Variants in MYBL1 observed in about 807,000 individuals in gnomAD.
The protein encoded by MYBL1 is MYB proto-oncogene like 1, also known as myb-related protein A.
A neutral mutation model predicts 96.3 loss-of-function variants in MYBL1; 17 were observed. The ratio of observed to expected loss-of-function variants is 0.18; its 90% CI spans 0.12 to 0.26. The LOEUF is 0.26. MYBL1 is among the 10% of genes least tolerant of loss of function. The pLI, the probability that MYBL1 is intolerant of heterozygous loss-of-function variation, is 1.00. For synonymous variants in MYBL1, 282 were observed against 292.7 expected, an observed-to-expected ratio of 0.96 and a Z score of 0.37; for missense variants, 701 against 882.9, an observed-to-expected ratio of 0.79 and a Z score of 2.61.
In MYBL1 at chr8:66,594,433, GAAT is replaced by G. The variant is rs1229209648; in HGVS notation, c.687+1147_687+1149del. Among the ~76,000 whole-genome samples, 3 of 151,736 alleles carry G rather than the reference GAAT, an allele frequency of 2.0e-5. No homozygotes were observed. In the South Asian group the frequency reaches 6.2e-4, roughly 32 times the overall value. The stretch of plus-strand genomic sequence containing the variant: ...ATTATTTTATTAGTTTAAATTAATT[GAAT>G]AATGAATATATCTAAATTAAAAGGG... On this transcript the variant is annotated intron_variant, in intron 6 of 15. Transcript: ENST00000522677.
rs1020830471 is a variant in MYBL1, at chr8:66,572,678, C to G, written c.1614-82G>C. 21 of 614,102 alleles carry G rather than the reference C, an allele frequency of 3.4e-5. No homozygotes were observed. The South Asian group carries it at 6.2e-4, about 18-fold the overall frequency. The allele number at this position is 614,102 out of a possible 1,614,324, so 38.0% of individuals were successfully genotyped here. A position where few individuals can be genotyped will look rare whatever the true frequency, so the allele number is the denominator to read the frequency against. On this transcript the variant is annotated intron_variant, in intron 11 of 15. Coordinates refer to ENST00000522677, the MANE Select transcript of MYBL1 (RefSeq NM_001080416.4). Reference sequence around the variant, plus strand: ...ATGAAAGCAAAGCAATTTAAGCACACGCTAAATTTTCTTACACATATATAT... The same window carrying G: ...ATGAAAGCAAAGCAATTTAAGCACAGGCTAAATTTTCTTACACATATATAT...
At position 66,576,165 on chromosome 8, in the gene MYBL1, C is replaced by T; in HGVS notation, c.1312G>A (p.Ala438Thr). The change falls in exon 10 of 16, where the codon GCC becomes ACC. Residue 438 changes from alanine (A) to threonine (T), a missense_variant. Transcript: ENST00000522677. ...EAVPLTSPNI[A>T]KFSTPPAILR... Reference sequence around the variant, plus strand: ...ATGGCTGGTGGAGTGCTAAACTTGGCTATATTTGGGGATGTTAAAGGAACA... The same window carrying T: ...ATGGCTGGTGGAGTGCTAAACTTGGTTATATTTGGGGATGTTAAAGGAACA... 6.8e-6 allele frequency: 11 copies of T among 1,613,922 alleles called. No homozygotes were observed. The highest frequency in any genetic ancestry group is 9.3e-6 in the Non-Finnish European group (11 of 1,179,870).
At chr8:66,602,733 A>ATTTT (rs143426704) in intron 1 of MYBL1, among the ~76,000 whole-genome samples, 6 of 28,158 alleles carry the variant, frequency 2.1e-4, no homozygotes, top group Admixed American at 7.5e-4. Flanking sequence ...ATATATATAT[A>ATTTT]TTTTTTTTTT....
intron 10 of MYBL1, among the ~76,000 whole-genome samples, chr8:66,575,232 A>G (rs1246539536): frequency 1.3e-5 from 2 of 151,534 alleles, no homozygotes; most frequent in Non-Finnish European, 2.9e-5. Context: ...GTAAGCAATT[A>G]TCTAAGTTTC....
In MYBL1 at chr8:66,613,062, C is replaced by T. The variant is rs1306092072; in HGVS notation, c.-224G>A. 1.6e-5 allele frequency: 7 copies of T among 430,236 alleles called. No homozygotes were observed. The highest frequency in any genetic ancestry group is 4.4e-5 in the Admixed American group (1 of 22,744). 26.7% of individuals were successfully genotyped at this position (430,236 alleles called of 1,614,324 possible). ...CCCGCAGCGCCGCTCTTAGCCCCGG[C>T]CCGGCCCGGCCAGGGATACCCCCAA... is the stretch of plus-strand genomic sequence containing the variant. On this transcript the variant is annotated 5_prime_UTR_variant, in exon 1 of 16. Coordinates refer to ENST00000522677, the MANE Select transcript of MYBL1 (RefSeq NM_001080416.4).
chr8:66,578,616 C>T (rs866356226), intron 9 of MYBL1, among the ~76,000 whole-genome samples: 1 of 152,086 alleles, frequency 6.6e-6, no homozygotes, highest in Non-Finnish European at 1.5e-5. Context: ...AATAGGAACA[C>T]TTTTACACTG....
At chr8:66,571,973 G>C (rs942236312) in intron 12 of MYBL1, among the ~76,000 whole-genome samples, 1 of 151,752 alleles carries the variant, frequency 6.6e-6, no homozygotes, top group Non-Finnish European at 1.5e-5. Flanking sequence ...GCCAAGCAAG[G>C]GTTTATTTAC....
At chr8:66,572,436 T>A (rs1313754376) in intron 12 of MYBL1, 46 bp downstream of exon 12, 2 of 926,534 alleles carry the variant, frequency 2.2e-6, no homozygotes, top group Non-Finnish European at 3.2e-6. Context: ...AATTTGTGTT[T>A]TATTAAAATT....
At chr8:66,586,958 G>A (rs943374102) in intron 8 of MYBL1, among the ~76,000 whole-genome samples, 1 of 152,072 alleles carries the variant, frequency 6.6e-6, no homozygotes, top group Admixed American at 6.6e-5. Flanking sequence ...AAACACTGTA[G>A]GTTCTCACTT....
chr8:66,608,767 A>G (rs1051258781), intron 1 of MYBL1, among the ~76,000 whole-genome samples: 2 of 152,134 alleles, frequency 1.3e-5, no homozygotes, highest in Non-Finnish European at 2.9e-5. Context: ...ATTTAATAAA[A>G]TTGGCTTCCT....
At chr8:66,577,509 T>G (rs887414502) in intron 9 of MYBL1, among the ~76,000 whole-genome samples, 1 of 152,096 alleles carries the variant, frequency 6.6e-6, no homozygotes, top group African/African-American at 2.4e-5. Flanking sequence ...TACTTAGGAA[T>G]CCAGCTTACA....
chr8:66,608,451 GT>G (rs1225365210), intron 1 of MYBL1, among the ~76,000 whole-genome samples: 1 of 151,980 alleles, frequency 6.6e-6, no homozygotes, highest in Non-Finnish European at 1.5e-5. Context: ...ATATATATGA[GT>G]ATTGAAAAGA....
chr8:66,607,669 T>G (rs1810373326), intron 1 of MYBL1, among the ~76,000 whole-genome samples: 1 of 150,276 alleles, frequency 6.7e-6, no homozygotes, highest in Non-Finnish European at 1.5e-5. Flanking sequence ...GTAAAAGCAT[T>G]CTTATTTGTT....
chr8:66,571,086 G>A (rs1323718422), intron 12 of MYBL1, among the ~76,000 whole-genome samples: 1 of 152,116 alleles, frequency 6.6e-6, no homozygotes, highest in East Asian at 1.9e-4. Context: ...TAACCAAAAA[G>A]TGACTAAAAA....
At chr8:66,575,936 A>T in intron 10 of MYBL1, 71 bp downstream of exon 10, 1 of 1,461,752 alleles carries the variant, frequency 6.8e-7, no homozygotes, top group Non-Finnish European at 9.3e-7. Context: ...AACTGCTAGT[A>T]AGGATGTTAA....
At chr8:66,612,760 G>T in intron 1 of MYBL1, 59 bp downstream of exon 1, 2 of 1,342,082 alleles carry the variant, frequency 1.5e-6, no homozygotes, top group Non-Finnish European at 1.9e-6. Flanking sequence ...AGCGGGATAG[G>T]AAAGAGAATC....
chr8:66,602,280 A>T, intron 2 of MYBL1, 138 bp downstream of exon 2: 1 of 423,888 alleles, frequency 2.4e-6, no homozygotes, highest in Non-Finnish European at 4.2e-6. Context: ...TGAACTCCTA[A>T]CCTCAAGTGA....
In MYBL1 at chr8:66,598,969, C is replaced by G. The variant is rs113916389; in HGVS notation, c.291+81G>C. 2.4e-3 allele frequency: 2,049 copies of G among 855,862 alleles called. 29 individuals carry two copies. In the African/African-American group the frequency reaches 0.027, roughly 11 times the overall value. 53.0% of individuals were successfully genotyped at this position (855,862 alleles called of 1,614,324 possible). On this transcript the variant is annotated intron_variant, in intron 4 of 15. Transcript: ENST00000522677. ...AAAATCAAAGTGACTTAAACATGTA[C>G]TTCATATGTCAAAACAACACATTAA...
intron 1 of MYBL1, among the ~76,000 whole-genome samples, chr8:66,611,608 C>T (rs935084830): frequency 5.3e-5 from 8 of 152,166 alleles, no homozygotes; most frequent in Admixed American, 2.0e-4. Context: ...GTCAATAGTG[C>T]AAAGGCTGAA....
Sources: allele counts gnomAD v4.1 joint callset (sites outside exome capture counted in the v4.1 genomes callset), GRCh38; gene constraint gnomAD v4.1.1; transcripts MANE v1.5; gene names NCBI Gene and HGNC (gene_info 2026-07-23, HGNC 2026-07-21).